Variants in PTPRD observed in about 807,000 individuals in gnomAD.
PTPRD encodes receptor-type tyrosine-protein phosphatase delta.
PTPRD carries 34 observed loss-of-function variants against 214.5 expected under a neutral mutation model. That is an observed-to-expected ratio of 0.16 (90% confidence interval 0.12 to 0.21). The LOEUF (loss-of-function observed/expected upper bound fraction) is 0.21. Ranked by LOEUF, PTPRD falls within the 10% of genes least tolerant of loss-of-function variation. The pLI, the probability that PTPRD is intolerant of heterozygous loss-of-function variation, is 1.00. For missense variants in PTPRD, 2,545 were observed against 2,398.7 expected (o/e 1.06, Z -1.27); for synonymous variants, 1,128 against 845.7 (o/e 1.33, Z -5.79).
chr9:10,522,598 TGA>T (rs1034923905), intron 2 of PTPRD, among the ~76,000 whole-genome samples: 2 of 152,092 alleles, frequency 1.3e-5, no homozygotes, highest in Non-Finnish European at 2.9e-5. Context: ...ACTGATGTAC[TGA>T]GAGAAGCTTA....
At chr9:8,873,127 C>G (rs1232431849) in intron 11 of PTPRD, among the ~76,000 whole-genome samples, 2 of 152,150 alleles carry the variant, frequency 1.3e-5, no homozygotes, top group Non-Finnish European at 2.9e-5. Context: ...GTGAGACTCT[C>G]CACTGAGCTG....
At chr9:10,243,217 C>T (rs1480352241) in intron 3 of PTPRD, among the ~76,000 whole-genome samples, 1 of 151,914 alleles carries the variant, frequency 6.6e-6, no homozygotes. Flanking sequence ...TGCTTTGAGA[C>T]TAAATTTCCT....
intron 10 of PTPRD, among the ~76,000 whole-genome samples, chr9:9,057,223 T>G (rs1434040449): frequency 1.3e-5 from 2 of 152,202 alleles, no homozygotes; most frequent in Non-Finnish European, 2.9e-5. Flanking sequence ...TAAAATACAT[T>G]CAAAAGATTA....
At chr9:10,046,570 G>T (rs529482911) in intron 3 of PTPRD, among the ~76,000 whole-genome samples, 10 of 151,900 alleles carry the variant, frequency 6.6e-5, no homozygotes, top group African/African-American at 2.4e-4. Context: ...AGTTGCCTCG[G>T]ATGCTTCAAT....
intron 10 of PTPRD, among the ~76,000 whole-genome samples, chr9:9,161,604 G>C (rs113663937): frequency 2.5e-3 from 373 of 152,106 alleles, no homozygotes; most frequent in African/African-American, 8.5e-3. Flanking sequence ...TACAATCCTG[G>C]GGGAGCAAAT....
intron 9 of PTPRD, among the ~76,000 whole-genome samples, chr9:9,252,596 C>T (rs2099975952): frequency 6.6e-6 from 1 of 152,036 alleles, no homozygotes; most frequent in African/African-American, 2.4e-5. Context: ...ATCTTCTTGC[C>T]TCAGCCTCCC....
intron 2 of PTPRD, among the ~76,000 whole-genome samples, chr9:10,548,359 C>A (rs1321701132): frequency 6.6e-6 from 1 of 152,158 alleles, no homozygotes; most frequent in East Asian, 1.9e-4. Context: ...CTCTGCCACC[C>A]AGCTATTAAA....
At chr9:9,226,989 G>C (rs1347685575) in intron 9 of PTPRD, among the ~76,000 whole-genome samples, 1 of 152,052 alleles carries the variant, frequency 6.6e-6, no homozygotes, top group East Asian at 1.9e-4. Context: ...GATATTGTTA[G>C]ATACTTCTAT....
intron 4 of PTPRD, among the ~76,000 whole-genome samples, chr9:10,018,538 C>CTTTTT (rs71321214): frequency 0.14 from 10,022 of 70,560 alleles, 3,279 homozygotes; most frequent in Non-Finnish European, 0.21. Flanking sequence ...AATTACATTT[C>CTTTTT]TTTTTTTTTT....
At chr9:8,352,504 C>A (rs2075793019) in intron 39 of PTPRD, among the ~76,000 whole-genome samples, 1 of 152,130 alleles carries the variant, frequency 6.6e-6, no homozygotes, top group African/African-American at 2.4e-5. Flanking sequence ...AGGAGACAAC[C>A]ATTTACCAGG....
chr9:10,534,609 A>G (rs1390199608), intron 2 of PTPRD, among the ~76,000 whole-genome samples: 1 of 152,168 alleles, frequency 6.6e-6, no homozygotes, highest in Non-Finnish European at 1.5e-5. Flanking sequence ...AAACCTTAAC[A>G]CAACAGGACC....
Position 9,818,841 on chromosome 9 carries a change from G to T in PTPRD, c.-367-51990C>A, listed in dbSNP as rs1464165208. Among the ~76,000 whole-genome samples, 5 of 148,886 alleles carry T rather than the reference G, an allele frequency of 3.4e-5. No individual in the cohort carries two copies. In the Admixed American group the frequency reaches 3.4e-4, roughly 10 times the overall value. ...TGAGGCTGGAAAATTGCTTGAAACT[G>T]GGAGGTAGAGGTTTCAGTGAGCCAA... On this transcript the variant is annotated intron_variant, in intron 5 of 45. Transcript: ENST00000381196.
intron 8 of PTPRD, among the ~76,000 whole-genome samples, chr9:9,557,035 C>G (rs7866159): frequency 0.18 from 27,092 of 152,072 alleles, 2,671 homozygotes; most frequent in Non-Finnish European, 0.2. Flanking sequence ...AATGCTGATT[C>G]ATTATTTTGA....
At chr9:10,048,948 T>C (rs544360657) in intron 3 of PTPRD, among the ~76,000 whole-genome samples, 2 of 152,160 alleles carry the variant, frequency 1.3e-5, no homozygotes, top group South Asian at 2.1e-4. Context: ...CCTGGAATTA[T>C]AAGGTATTTG....
At chr9:10,267,259 C>T (rs1245576216) in intron 3 of PTPRD, among the ~76,000 whole-genome samples, 1 of 150,214 alleles carries the variant, frequency 6.7e-6, no homozygotes. Context: ...TACACCAACA[C>T]TTTTGGAAGT....
intron 8 of PTPRD, among the ~76,000 whole-genome samples, chr9:9,448,076 A>G (rs1345458811): frequency 6.6e-6 from 1 of 152,086 alleles, no homozygotes; most frequent in African/African-American, 2.4e-5. Context: ...TGTGATAGAA[A>G]CAGGTTTTGG....
chr9:9,816,991 G>A (rs112602569), intron 5 of PTPRD, among the ~76,000 whole-genome samples: 2,171 of 152,028 alleles, frequency 0.014, 20 homozygotes, highest in Non-Finnish European at 0.021. Flanking sequence ...TTTTATATAC[G>A]TAACTACAGC....
chr9:9,738,626 G>A (rs148467615), intron 6 of PTPRD, among the ~76,000 whole-genome samples: 2 of 151,770 alleles, frequency 1.3e-5, no homozygotes, highest in Non-Finnish European at 2.9e-5. Flanking sequence ...ATTTTTAGTA[G>A]AGATGGGGTT....
chr9:9,964,057 C>CAGGCAGAGACGTAGGCAGAGACGG (rs1555403162), intron 4 of PTPRD, among the ~76,000 whole-genome samples: 1 of 147,938 alleles, frequency 6.8e-6, no homozygotes, highest in African/African-American at 2.5e-5. Context: ...GAGGCAGAGG[C>CAGGCAGAGACGTAGGCAGAGACGG]AGGCAGAGAC....
Sources: gnomAD v4.1 joint callset for allele counts (sites outside exome capture counted in the v4.1 genomes callset) on GRCh38, gnomAD v4.1.1 for gene constraint, MANE v1.5 for transcripts, NCBI Gene and HGNC (gene_info 2026-07-23, HGNC 2026-07-21) for gene names.